SLCO1B3: variants seen among roughly 807,000 people sequenced by gnomAD.
SLCO1B3 encodes solute carrier organic anion transporter family member 1B3, also known as liver-specific organic anion transporter 2.
SLCO1B3 carries 72 observed loss-of-function variants against 71.8 expected under a neutral mutation model. The observed-to-expected ratio is 1.00, with a 90% CI of 0.83 to 1.22. The LOEUF is 1.22. Ranked by LOEUF, SLCO1B3 falls within the 50% of genes most tolerant of loss-of-function variation. The probability of loss-of-function intolerance (pLI) is 0.00; values close to 1 mark genes in which losing one functional copy is unlikely to be tolerated. For missense variants in SLCO1B3, 911 were observed against 819.7 expected, an observed-to-expected ratio of 1.11 and a Z score of -1.36; for synonymous variants, 298 against 278.4, an observed-to-expected ratio of 1.07 and a Z score of -0.70.
chr12:20,894,731 AATAG>A (rs1463591726), intron 13 of SLCO1B3, among the ~76,000 whole-genome samples: 1 of 152,186 alleles, frequency 6.6e-6, no homozygotes, highest in African/African-American at 2.4e-5. Context: ...GTAATAACTA[AATAG>A]ATAAGTTAAA....
Position 20,877,916 on chromosome 12 carries a change from C to G in SLCO1B3, c.1115C>G (p.Ser372Cys). 6.3e-7 allele frequency: 1 copy of G among 1,590,014 alleles called. No homozygotes were observed. The highest frequency in any genetic ancestry group is 8.5e-7 in the Non-Finnish European group (1 of 1,170,684). ...GAGCAACAGTACGGTCAGTCTGCAT[C>G]TCATGCTAACTTTTTGTTGGGTAAG... is the stretch of plus-strand genomic sequence containing the variant. ...YMEQQYGQSA[S>C]HANFLLGIIT... is the part of the protein sequence containing the mutation. The change falls in exon 10 of 16, where the codon TCT becomes TGT. Residue 372 changes from serine (S) to cysteine (C), a missense_variant. Coordinates refer to ENST00000381545, the MANE Select transcript of SLCO1B3 (RefSeq NM_019844.4).
intron 3 of SLCO1B3, among the ~76,000 whole-genome samples, chr12:20,829,123 A>G (rs1384426572): frequency 6.6e-6 from 1 of 152,224 alleles, no homozygotes; most frequent in Non-Finnish European, 1.5e-5. Flanking sequence ...AAAAGACTGA[A>G]ACAACAAAAA....
At chr12:20,866,953 A>G (rs1425335706) in intron 8 of SLCO1B3, among the ~76,000 whole-genome samples, 2 of 152,168 alleles carry the variant, frequency 1.3e-5, no homozygotes, top group Admixed American at 6.5e-5. Context: ...GGCCTGAACA[A>G]TAACTTTTTT....
chr12:20,813,388 A>G (rs995036589), intron 1 of SLCO1B3, 136 bp from the exon 2 acceptor site: 11 of 152,208 alleles, frequency 7.2e-5, no homozygotes, highest in African/African-American at 2.7e-4. Flanking sequence ...GATCATTGGC[A>G]TGCATGAGCA....
intron 7 of SLCO1B3, 47 bp from the exon 8 acceptor site, chr12:20,862,709 A>G (rs750320596): frequency 2.0e-6 from 3 of 1,513,264 alleles, no homozygotes; most frequent in Non-Finnish European, 2.7e-6. Flanking sequence ...TTAAATGAAA[A>G]CCAAGTATTT....
chr12:20,854,878 AGAAGTTTCAAC>A (rs1865101190), intron 3 of SLCO1B3, 139 bp from the exon 4 acceptor site: 1 of 682,706 alleles, frequency 1.5e-6, no homozygotes, highest in Admixed American at 2.9e-5. Flanking sequence ...TATAGGGCTG[AGAAGTTTCAAC>A]TTGTATAGGG....
At chr12:20,884,548 G>A (rs1459540887) in intron 13 of SLCO1B3, among the ~76,000 whole-genome samples, 1 of 151,996 alleles carries the variant, frequency 6.6e-6, no homozygotes, top group Non-Finnish European at 1.5e-5. Context: ...GAGTGAGAGG[G>A]GTATGGCAGA....
At chr12:20,899,473 C>T (rs78796487) in intron 14 of SLCO1B3, among the ~76,000 whole-genome samples, 2,415 of 152,146 alleles carry the variant, frequency 0.016, 30 homozygotes, top group Non-Finnish European at 0.026. Context: ...GCCAAATTAC[C>T]GTGAAGAAGT....
At chr12:20,883,227 C>T (rs1865726475) in intron 12 of SLCO1B3, among the ~76,000 whole-genome samples, 191 bp from the exon 13 acceptor site, 1 of 152,122 alleles carries the variant, frequency 6.6e-6, no homozygotes, top group Non-Finnish European at 1.5e-5. Flanking sequence ...TACAGAATTT[C>T]ATACACTAAT....
intron 3 of SLCO1B3, among the ~76,000 whole-genome samples, chr12:20,849,531 T>G (rs1864980743): frequency 6.6e-6 from 1 of 152,082 alleles, no homozygotes; most frequent in Non-Finnish European, 1.5e-5. Flanking sequence ...TATTCAAGAT[T>G]GTTCTAGAAG....
At chr12:20,845,885 A>G (rs951787886) in intron 3 of SLCO1B3, among the ~76,000 whole-genome samples, 6 of 151,834 alleles carry the variant, frequency 4.0e-5, no homozygotes, top group Non-Finnish European at 7.4e-5. Context: ...TTGTTTTATG[A>G]ATCTGGGAGC....
intron 12 of SLCO1B3, among the ~76,000 whole-genome samples, 159 bp downstream of exon 12, chr12:20,881,179 A>G (rs1208070584): frequency 2.0e-5 from 3 of 152,144 alleles, no homozygotes; most frequent in Non-Finnish European, 4.4e-5. Flanking sequence ...GTGAAGTGTA[A>G]ACAAAGCTTC....
intron 14 of SLCO1B3, among the ~76,000 whole-genome samples, chr12:20,899,643 A>T (rs1757932845): frequency 6.6e-6 from 1 of 152,190 alleles, no homozygotes; most frequent in Admixed American, 6.5e-5. Context: ...CTGTAATCTT[A>T]GCAGTTCTCT....
In SLCO1B3 at chr12:20,815,772, G is replaced by A; in HGVS notation, c.34G>A (p.Glu12Lys). 6.3e-7 allele frequency: 1 copy of A among 1,599,758 alleles called. No homozygotes were observed. The highest frequency in any genetic ancestry group is 1.3e-5 in the African/African-American group (1 of 74,792). ...ACATCAACATTTGAATAAAACAGCA[G>A]AGTCAGCATCTTCAGAGAAAAAGAA... ...DQHQHLNKTA[E>K]SASSEKKKTR... Residue 12 changes from glutamate (E) to lysine (K), a missense_variant, in exon 3 of 16, where the codon GAG (glutamate) becomes AAG (lysine). Transcript: ENST00000381545.
intron 3 of SLCO1B3, among the ~76,000 whole-genome samples, chr12:20,850,540 C>T: frequency 6.6e-6 from 1 of 152,086 alleles, no homozygotes; most frequent in Non-Finnish European, 1.5e-5. Context: ...CCTCGGCCTC[C>T]CAAAGCGCTG....
chr12:20,889,019 C>G (rs1016156506), intron 13 of SLCO1B3, among the ~76,000 whole-genome samples: 1 of 150,016 alleles, frequency 6.7e-6, no homozygotes, highest in Non-Finnish European at 1.5e-5. Context: ...GTTGAACCAT[C>G]CTTGCATTTC....
Position 20,880,888 on chromosome 12 carries a change from ACTTT to A in SLCO1B3, c.1369_1372del (p.Ser457IlefsTer22), listed in dbSNP as rs750689785. ...CAGTGGCATCTCATGTAGATGTACC[ACTTT>A]CTTATTGCAACTCAGAGTGCAATTG... On this transcript the variant is annotated frameshift_variant, in exon 12 of 16. Coordinates refer to ENST00000381545, the MANE Select transcript of SLCO1B3 (RefSeq NM_019844.4). LOFTEE classifies it high-confidence loss of function. 1 of 1,609,634 alleles carries A rather than the reference ACTTT, an allele frequency of 6.2e-7. No homozygotes were observed. The highest frequency in any genetic ancestry group is 1.1e-5 in the South Asian group (1 of 90,846).
intron 15 of SLCO1B3, among the ~76,000 whole-genome samples, chr12:20,905,581 A>G (rs1028814092): frequency 6.6e-5 from 10 of 152,048 alleles, no homozygotes; most frequent in African/African-American, 2.4e-4. Context: ...CATCTCTCTC[A>G]AGTTGAAAGT....
intron 13 of SLCO1B3, among the ~76,000 whole-genome samples, chr12:20,887,540 C>T (rs1295231428): frequency 6.6e-6 from 1 of 151,738 alleles, no homozygotes; most frequent in Non-Finnish European, 1.5e-5. Flanking sequence ...CTGTTCATGT[C>T]GTTTACCCAC....
Sources: gnomAD v4.1 joint callset for allele counts (sites outside exome capture counted in the v4.1 genomes callset) on GRCh38, gnomAD v4.1.1 for gene constraint, MANE v1.5 for transcripts, NCBI Gene and HGNC (gene_info 2026-07-23, HGNC 2026-07-21) for gene names.